Variants in CSNK1G1 observed in about 807,000 individuals in gnomAD.
CSNK1G1 encodes casein kinase I isoform gamma-1.
In CSNK1G1, 22 loss-of-function variants were observed where a neutral mutation model predicts 59.6. That is an observed-to-expected ratio of 0.37 (90% CI 0.26 to 0.53). The LOEUF is 0.53. Ranked by LOEUF, CSNK1G1 falls within the 20% of genes least tolerant of loss-of-function variation. The probability of loss-of-function intolerance (pLI) is 0.89; values close to 1 mark genes in which losing one functional copy is unlikely to be tolerated. For missense variants in CSNK1G1, 384 were observed against 519.5 expected, an observed-to-expected ratio of 0.74 and a Z score of 2.54; for synonymous variants, 179 against 177.1, an observed-to-expected ratio of 1.01 and a Z score of -0.08.
chr15:64,324,332 G>A (rs1896727602), intron 1 of CSNK1G1, among the ~76,000 whole-genome samples: 2 of 152,212 alleles, frequency 1.3e-5, no homozygotes, highest in South Asian at 4.1e-4. Context: ...AGTGGCCTGG[G>A]AGAGGCAGAC....
At position 64,204,448 on chromosome 15, in the gene CSNK1G1, C is replaced by T; in HGVS notation, c.992G>A (p.Arg331Lys). Residue 331 changes from arginine to lysine, a missense_variant, in exon 9 of 12, where the codon AGA becomes AAA. Arg to Lys is a conservative substitution (Grantham distance 26). Around this residue, in one of 3 missense-constraint regions of CSNK1G1, gnomAD observed 325 missense variants for 440.9 expected, o/e 0.74. Transcript: ENST00000303052. ...TFDYAYDWVG[R>K]PIPTPVGSVH... ...AAAAAAAAGGATACTTACAATAGGT[C>T]TCCCAACCCAATCATAGGCATAGTC... 6.3e-7 allele frequency: 1 copy of T among 1,575,080 alleles called. No individual in the cohort carries two copies. The highest frequency in any genetic ancestry group is 2.3e-5 in the East Asian group (1 of 44,212).
rs1009104371 is a variant in CSNK1G1, at chr15:64,200,217, A to G, written c.1107+2865T>C. ...CCAAGATCATGCTCCAGCCTTGGTG[A>G]TAAGAGCTAAACTCTGTCTCAAAAA... On this transcript the variant is annotated intron_variant, in intron 10 of 11. Coordinates refer to ENST00000303052, the MANE Select transcript of CSNK1G1 (RefSeq NM_022048.5). This position sits in a 1 kb window ranked among gnomAD's most constrained non-coding sequence, Gnocchi z 4.3. 2.6e-5 allele frequency among the ~76,000 whole-genome samples: 4 copies of G among 152,042 alleles called. No individual in the cohort carries two copies. Among genetic ancestry groups the G allele is most frequent in the East Asian group, 1.9e-4 (1 of 5,190 alleles).
In CSNK1G1 at chr15:64,188,899, G is replaced by A. The variant is rs141988863; in HGVS notation, c.1108-8445C>T. 1.3e-5 allele frequency among the ~76,000 whole-genome samples: 2 copies of A among 152,268 alleles called. No homozygotes were observed. Among genetic ancestry groups the A allele is most frequent in the African/African-American group, 2.4e-5 (1 of 41,560 alleles). ...TCTCAGCACTTTGGGAGGCCAAGGT[G>A]GGCGGATCACGAGGTCTGGAGTTCG... On this transcript the variant is annotated intron_variant, in intron 10 of 11. Transcript: ENST00000303052. The surrounding 1 kb of genome is among the most constrained non-coding windows in gnomAD (Gnocchi z 4.2).
intron 1 of CSNK1G1, among the ~76,000 whole-genome samples, chr15:64,334,278 A>C (rs577960467): frequency 2.9e-4 from 44 of 152,144 alleles, no homozygotes; most frequent in Non-Finnish European, 4.3e-4. Context: ...TCAGCCTGCC[A>C]AAGTGCTGGG....
intron 3 of CSNK1G1, among the ~76,000 whole-genome samples, chr15:64,255,323 C>G (rs1037868256): frequency 2.6e-5 from 4 of 152,142 alleles, no homozygotes; most frequent in Non-Finnish European, 4.4e-5. Context: ...AATCCACCCA[C>G]CTCAGCCTCC....
chr15:64,228,984 A>AC (rs1304351271), intron 4 of CSNK1G1, among the ~76,000 whole-genome samples: 3 of 147,964 alleles, frequency 2.0e-5, no homozygotes, highest in Admixed American at 6.7e-5. Flanking sequence ...ATACCGCTGT[A>AC]CACCAGCCTG....
intron 10 of CSNK1G1, among the ~76,000 whole-genome samples, chr15:64,193,141 A>T (rs2081993869): frequency 6.6e-6 from 1 of 152,088 alleles, no homozygotes; most frequent in South Asian, 2.1e-4. Context: ...CACTTCCAAT[A>T]TTAAAATTTC....
intron 4 of CSNK1G1, among the ~76,000 whole-genome samples, chr15:64,244,865 C>T (rs1256106107): frequency 1.3e-5 from 2 of 152,080 alleles, no homozygotes; most frequent in East Asian, 1.9e-4. Context: ...ACCCACTAAT[C>T]ACGCACTACC....
At chr15:64,268,478 A>G (rs1893101082) in intron 2 of CSNK1G1, among the ~76,000 whole-genome samples, 1 of 152,210 alleles carries the variant, frequency 6.6e-6, no homozygotes, top group Non-Finnish European at 1.5e-5. Context: ...TGATGAGAAA[A>G]AAAATCAATT....
At chr15:64,243,821 G>A (rs1157222719) in intron 4 of CSNK1G1, among the ~76,000 whole-genome samples, 1 of 151,614 alleles carries the variant, frequency 6.6e-6, no homozygotes, top group Non-Finnish European at 1.5e-5. Context: ...AGTGAGCCGA[G>A]ATCACACCAC....
In CSNK1G1 at chr15:64,216,015, G is replaced by C. The variant is rs137959095; in HGVS notation, c.444+547C>G. Among the ~76,000 whole-genome samples the C allele has an allele frequency of 2.1e-3, 322 of 152,242 alleles. No individual in the cohort carries two copies. Among genetic ancestry groups the C allele is most frequent in the Non-Finnish European group, 3.5e-3 (239 of 68,024 alleles). On this transcript the variant is annotated intron_variant, in intron 5 of 11. Transcript: ENST00000303052. This position sits in a 1 kb window ranked among gnomAD's most constrained non-coding sequence, Gnocchi z 4.6. ...GGAGGCCGAGGTGGGAGGACTGCTT[G>C]AGACCAGTTTAGACAAGCCTGGGCA...
At position 64,210,773 on chromosome 15, in the gene CSNK1G1, C is replaced by A. The variant is rs954108620; in HGVS notation, c.679+3117G>T. Among the ~76,000 whole-genome samples, 1 of 152,152 alleles carries A rather than the reference C, an allele frequency of 6.6e-6. No homozygotes were observed. Among genetic ancestry groups the A allele is most frequent in the South Asian group, 2.1e-4 (1 of 4,830 alleles). On this transcript the variant is annotated intron_variant, in intron 6 of 11. Coordinates refer to ENST00000303052, the MANE Select transcript of CSNK1G1 (RefSeq NM_022048.5). This position sits in a 1 kb window ranked among gnomAD's most constrained non-coding sequence, Gnocchi z 4.2. ...GATTTCTGTCCTTCCCCCGGACCCC[C>A]CAACACACACAAACCTCACGTTGAA...
intron 1 of CSNK1G1, among the ~76,000 whole-genome samples, chr15:64,339,320 G>C (rs567946702): frequency 6.6e-6 from 1 of 152,146 alleles, no homozygotes; most frequent in Non-Finnish European, 1.5e-5. Context: ...TGTTATTGTT[G>C]TTGTTGTTTT....
At chr15:64,185,771 A>G (rs1164240596) in intron 10 of CSNK1G1, among the ~76,000 whole-genome samples, 1 of 151,488 alleles carries the variant, frequency 6.6e-6, no homozygotes, top group Non-Finnish European at 1.5e-5. Context: ...GGCTGACAGG[A>G]GAATCGCTTG....
chr15:64,269,172 T>C (rs1893144020), intron 2 of CSNK1G1, among the ~76,000 whole-genome samples: 1 of 152,156 alleles, frequency 6.6e-6, no homozygotes, highest in African/African-American at 2.4e-5. Flanking sequence ...GGCCTTTATC[T>C]AGAAGTTTGG....
At chr15:64,314,653 G>C (rs561301954) in intron 1 of CSNK1G1, among the ~76,000 whole-genome samples, 44 of 150,582 alleles carry the variant, frequency 2.9e-4, no homozygotes, top group African/African-American at 1.0e-3. Context: ...TCCAGGCTCT[G>C]TAACCACCAT....
Position 64,346,678 on chromosome 15 carries a change from G to A in CSNK1G1, c.-225+9310C>T, listed in dbSNP as rs184239834. ...TCACCACATTGGCCATGCTGGTCTC[G>A]AACCCCTGACCTCAGGTGATCTGCC... On this transcript the variant is annotated intron_variant, in intron 1 of 11. Coordinates refer to ENST00000303052, the MANE Select transcript of CSNK1G1 (RefSeq NM_022048.5). Among the ~76,000 whole-genome samples the A allele has an allele frequency of 2.6e-3, 400 of 151,924 alleles. 3 individuals carry two copies. The highest frequency in any genetic ancestry group is 4.6e-3 in the Admixed American group (70 of 15,246).
chr15:64,326,427 C>T (rs1483947807), intron 1 of CSNK1G1, among the ~76,000 whole-genome samples: 1 of 151,978 alleles, frequency 6.6e-6, no homozygotes, highest in Non-Finnish European at 1.5e-5. Context: ...GCAGATCACC[C>T]GAGGTCAGGA....
intron 10 of CSNK1G1, among the ~76,000 whole-genome samples, chr15:64,182,903 A>C (rs973354602): frequency 3.3e-5 from 5 of 152,178 alleles, no homozygotes; most frequent in Admixed American, 6.5e-5. Context: ...TATGGATTGG[A>C]AAACCACAGC....
Sources: allele counts gnomAD v4.1 joint callset (sites outside exome capture counted in the v4.1 genomes callset), GRCh38; gene constraint gnomAD v4.1.1; regional missense constraint gnomAD v4.1.1; non-coding constraint Gnocchi (gnomAD v3.1); transcripts MANE v1.5; gene names NCBI Gene and HGNC (gene_info 2026-07-23, HGNC 2026-07-21).